COL26A1: variants seen among roughly 807,000 people sequenced by gnomAD.
COL26A1 encodes collagen type XXVI alpha 1 chain, also known as collagen alpha-1(XXVI) chain.
A neutral mutation model predicts 59.3 loss-of-function variants in COL26A1; 41 were observed. The observed-to-expected ratio is 0.69, with a 90% CI of 0.54 to 0.90. The LOEUF is 0.90. Ranked by LOEUF, COL26A1 falls within the 40% of genes least tolerant of loss-of-function variation. COL26A1 has a pLI of 0.00. For synonymous variants in COL26A1, 266 were observed against 256.0 expected (o/e 1.04, Z -0.37); for missense variants, 612 against 602.3 (o/e 1.02, Z -0.17).
intron 2 of COL26A1, among the ~76,000 whole-genome samples, chr7:101,444,836 TTTTATTTTG>T (rs1278718552): frequency 9.1e-5 from 11 of 120,226 alleles, no homozygotes; most frequent in Non-Finnish European, 8.1e-5. Flanking sequence ...TTTTATTTTA[TTTTATTTTG>T]TTTGTTTATT....
intron 3 of COL26A1, among the ~76,000 whole-genome samples, chr7:101,531,017 C>T (rs934957725): frequency 3.3e-5 from 5 of 151,776 alleles, no homozygotes; most frequent in African/African-American, 1.2e-4. Flanking sequence ...GTCACCCAGG[C>T]TGGAGTGCAG....
At chr7:101,466,172 C>T (rs1001494610) in intron 3 of COL26A1, among the ~76,000 whole-genome samples, 1 of 152,088 alleles carries the variant, frequency 6.6e-6, no homozygotes, top group Non-Finnish European at 1.5e-5. Context: ...CATTTAAATC[C>T]TGGCTCCACA....
chr7:101,396,872 T>C (rs938352949), intron 1 of COL26A1, among the ~76,000 whole-genome samples: 1 of 152,186 alleles, frequency 6.6e-6, no homozygotes, highest in Admixed American at 6.6e-5. Context: ...CAAGACCCAG[T>C]GGAGATCAGA....
intron 1 of COL26A1, among the ~76,000 whole-genome samples, chr7:101,373,418 A>G (rs1791238526): frequency 1.3e-5 from 2 of 152,180 alleles, no homozygotes; most frequent in Non-Finnish European, 1.5e-5. Flanking sequence ...ATTTTTGTGA[A>G]ATACTTTTAT....
intron 1 of COL26A1, among the ~76,000 whole-genome samples, chr7:101,380,293 T>C (rs999931447): frequency 4.8e-5 from 2 of 42,092 alleles, no homozygotes; most frequent in Admixed American, 3.5e-4. Flanking sequence ...CCCAGCTACA[T>C]TTTTTTTTTT....
chr7:101,384,416 TG>T (rs1474312718), intron 1 of COL26A1, among the ~76,000 whole-genome samples: 2 of 151,824 alleles, frequency 1.3e-5, no homozygotes, highest in Admixed American at 1.3e-4. Flanking sequence ...TTAGTAGAGA[TG>T]GGGTTTCACC....
intron 2 of COL26A1, among the ~76,000 whole-genome samples, chr7:101,443,872 CTT>C (rs11352431): frequency 7.5e-4 from 93 of 124,746 alleles, no homozygotes; most frequent in South Asian, 1.3e-3. Context: ...TTTTTCTTTT[CTT>C]TTTTTTTTTT....
Position 101,479,091 on chromosome 7 carries a change from G to A in COL26A1, c.385+31304G>A, listed in dbSNP as rs150165921. On this transcript the variant is annotated intron_variant, in intron 3 of 12. Coordinates refer to ENST00000313669, the MANE Select transcript of COL26A1 (RefSeq NM_001278563.3). ...ACTACCTTTGAATCCTTGTGCATGC[G>A]AGCAAAGGCTTGCCCAGACAGAAAA... Among the ~76,000 whole-genome samples, 1,339 of 152,232 alleles carry A rather than the reference G, an allele frequency of 8.8e-3. 10 individuals are homozygous for A. Among genetic ancestry groups the A allele is most frequent in the Middle Eastern group, 0.037 (11 of 294 alleles).
chr7:101,519,487 C>CCTCCT (rs1795096063), intron 3 of COL26A1, among the ~76,000 whole-genome samples: 1 of 152,144 alleles, frequency 6.6e-6, no homozygotes, highest in South Asian at 2.1e-4. Context: ...GAGAGGCTGC[C>CCTCCT]GGGCCCTGCT....
Position 101,419,998 on chromosome 7 carries a change from G to C in COL26A1, c.180G>C (p.Val60=). The change falls in exon 2 of 13, where the codon GTG becomes GTC. Residue 60 remains valine (V), a synonymous_variant. Transcript: ENST00000313669. ...ACAGGCACTGGTGCCATCACACAGTGACACGGACGGTGTCCTGCCAGGTGC... is the reference window on the plus strand; with the variant it reads ...ACAGGCACTGGTGCCATCACACAGTCACACGGACGGTGTCCTGCCAGGTGC... The part of the protein sequence containing the change: ...ASRRHWCHHT[V]TRTVSCQVQN... 1 of 1,613,748 alleles carries C rather than the reference G, an allele frequency of 6.2e-7. No homozygotes were observed. The highest frequency in any genetic ancestry group is 1.1e-5 in the South Asian group (1 of 91,076).
intron 1 of COL26A1, among the ~76,000 whole-genome samples, chr7:101,401,745 G>A (rs557927637): frequency 2.2e-5 from 3 of 136,910 alleles, no homozygotes; most frequent in Non-Finnish European, 4.7e-5. Flanking sequence ...GAAGGAGGAG[G>A]AAGAGGAGGA....
rs555257598 is a variant in COL26A1, at chr7:101,438,309, C to A, written c.282-9375C>A. Among the ~76,000 whole-genome samples the A allele has an allele frequency of 3.3e-5, 5 of 151,404 alleles. No homozygotes were observed. The South Asian group carries it at 1.0e-3, about 31-fold the overall frequency. The stretch of plus-strand genomic sequence containing the variant: ...CTGGAAGGTGGAGGCTGCAGTGAGC[C>A]GAGATTGTGCCATTGCACTCCAGCC... On this transcript the variant is annotated intron_variant, in intron 2 of 12. Transcript: ENST00000313669.
intron 3 of COL26A1, among the ~76,000 whole-genome samples, chr7:101,493,742 A>G (rs1319601918): frequency 1.4e-5 from 2 of 145,318 alleles, no homozygotes; most frequent in Non-Finnish European, 3.0e-5. Flanking sequence ...TAACACAGTG[A>G]AACCCCATCT....
chr7:101,510,736 C>T (rs114035160), intron 3 of COL26A1, among the ~76,000 whole-genome samples: 3,237 of 151,696 alleles, frequency 0.021, 118 homozygotes, highest in African/African-American at 0.074. Flanking sequence ...TCCAGGCTGG[C>T]CTCAAACTCT....
chr7:101,488,640 C>T (rs1024362870), intron 3 of COL26A1, among the ~76,000 whole-genome samples: 10 of 151,858 alleles, frequency 6.6e-5, no homozygotes, highest in African/African-American at 1.2e-4. Flanking sequence ...CCTCCCAAAG[C>T]GCTAGGATTA....
chr7:101,465,262 A>G (rs1328535585), intron 3 of COL26A1, among the ~76,000 whole-genome samples: 2 of 150,528 alleles, frequency 1.3e-5, no homozygotes, highest in Non-Finnish European at 3.0e-5. Context: ...CTGCTCTCCA[A>G]CTCCTGGGCT....
At chr7:101,439,084 G>T (rs573425760) in intron 2 of COL26A1, among the ~76,000 whole-genome samples, 2 of 152,296 alleles carry the variant, frequency 1.3e-5, no homozygotes, top group East Asian at 1.9e-4. Context: ...CTGGAGTCTG[G>T]TGGTTTTGGC....
intron 2 of COL26A1, among the ~76,000 whole-genome samples, chr7:101,432,797 G>T (rs1352012337): frequency 3.3e-5 from 5 of 152,054 alleles, no homozygotes; most frequent in African/African-American, 1.2e-4. Flanking sequence ...CTGCCTTCTG[G>T]GTTCAACCGA....
At chr7:101,387,768 A>ATTTTTTTT (rs1194001209) in intron 1 of COL26A1, among the ~76,000 whole-genome samples, 34 of 36,472 alleles carry the variant, frequency 9.3e-4, no homozygotes, top group African/African-American at 2.1e-3. Context: ...ATATATATAT[A>ATTTTTTTT]TATATATATA....
Sources: gnomAD v4.1 joint callset for allele counts (sites outside exome capture counted in the v4.1 genomes callset) on GRCh38, gnomAD v4.1.1 for gene constraint, MANE v1.5 for transcripts, NCBI Gene and HGNC (gene_info 2026-07-23, HGNC 2026-07-21) for gene names.